EIF4E3: variants seen among roughly 807,000 people sequenced by gnomAD.
The protein encoded by EIF4E3 is eukaryotic translation initiation factor 4E family member 3.
In EIF4E3, 26 loss-of-function variants were observed where a neutral mutation model predicts 31.7. That is an observed-to-expected ratio of 0.82 (90% CI 0.60 to 1.14). The LOEUF is 1.14. Among genes scored for constraint, EIF4E3 ranks in the 50% most tolerant of loss-of-function variants. The probability of loss-of-function intolerance (pLI) is 0.00; values close to 1 mark genes in which losing one functional copy is unlikely to be tolerated. For missense variants in EIF4E3, 304 were observed against 270.9 expected (o/e 1.12, Z -0.86); for synonymous variants, 128 against 107.7 (o/e 1.19, Z -1.17).
rs1358052649 is a variant in EIF4E3 at position 71,680,498 on chromosome 3, G to T, written c.*4184C>A. On this transcript the variant is annotated 3_prime_UTR_variant, in exon 7 of 7. Transcript: ENST00000425534. ...ATGGATTTATGTCAGCAACATGAAAGAATTTCTAGAACACAAGACAGTGAC... is the reference window on the plus strand; with the variant it reads ...ATGGATTTATGTCAGCAACATGAAATAATTTCTAGAACACAAGACAGTGAC... 1 of 152,206 alleles carries T rather than the reference G, an allele frequency of 6.6e-6. No homozygotes were observed. The highest frequency in any genetic ancestry group is 2.4e-5 in the African/African-American group (1 of 41,458). The allele number at this position is 152,206 out of a possible 1,614,324, so 9.4% of individuals were successfully genotyped here. A position where few individuals can be genotyped will look rare whatever the true frequency, so the allele number is the denominator to read the frequency against.
intron 1 of EIF4E3, among the ~76,000 whole-genome samples, chr3:71,713,588 C>T (rs1222393827): frequency 6.6e-6 from 1 of 152,028 alleles, no homozygotes; most frequent in Non-Finnish European, 1.5e-5. Context: ...AGGTGCATGT[C>T]ACCACAGCCA....
upstream of EIF4E3, chr3:71,725,438 CCCCCGCCCCGCCCCGCCCCGCGCG>C (rs1395356231): frequency 3.6e-5 from 29 of 795,820 alleles, no homozygotes; most frequent in Non-Finnish European, 4.1e-5. This position sits in a 1 kb window ranked among gnomAD's most constrained non-coding sequence, Gnocchi z 6.1. Context: ...TCACCCCCGG[CCCCCGCCCCGCCCCGCCCCGCGCG>C]CCCCGCCCCG....
intron 1 of EIF4E3, among the ~76,000 whole-genome samples, chr3:71,741,172 CCATGCA>C (rs1312152232): frequency 1.3e-5 from 2 of 149,306 alleles, no homozygotes; most frequent in African/African-American, 5.0e-5. Flanking sequence ...AAAAACACAT[CCATGCA>C]CATGCACATG....
At chr3:71,735,589 G>A (rs9858400) in intron 1 of EIF4E3, among the ~76,000 whole-genome samples, 14,839 of 152,098 alleles carry the variant, frequency 0.098, 1,149 homozygotes, top group African/African-American at 0.22. Context: ...ACAAAGAAAC[G>A]CAATACTGTG....
chr3:71,686,490 C>G (rs1217528094), intron 6 of EIF4E3, among the ~76,000 whole-genome samples: 1 of 151,086 alleles, frequency 6.6e-6, no homozygotes, highest in African/African-American at 2.4e-5. Context: ...GAAATCTGAA[C>G]TAATTTAATA....
intron 1 of EIF4E3, among the ~76,000 whole-genome samples, chr3:71,749,060 A>G (rs1337956096): frequency 1.3e-5 from 2 of 152,266 alleles, no homozygotes; most frequent in Non-Finnish European, 2.9e-5. Context: ...GTCAGGTAAG[A>G]GCAAATATGC....
chr3:71,692,051 G>A (rs1315123893), intron 5 of EIF4E3, among the ~76,000 whole-genome samples: 1 of 152,128 alleles, frequency 6.6e-6, no homozygotes, highest in Non-Finnish European at 1.5e-5. Context: ...AGTTTGGTTT[G>A]GCTCTTGGTA....
rs11403409 is a variant in EIF4E3 at position 71,712,852 on chromosome 3, C to CAAAAAAAAA, written c.177-2377_177-2369dup. On this transcript the variant is annotated intron_variant, in intron 1 of 6. Transcript: ENST00000425534. ...GAGGATAATACCATTTAACCTAGAC[C>CAAAAAAAAA]AAAAAAAAAAAAAAAAAAAGCACTG... Among the ~76,000 whole-genome samples the CAAAAAAAAA allele has an allele frequency of 2.5e-5, 3 of 121,234 alleles. 1 individual carries two copies. The highest frequency in any genetic ancestry group is 1.7e-5 in the Non-Finnish European group (1 of 59,886). The allele number at this position is 121,234 out of a possible 152,430, so 79.5% of individuals were successfully genotyped here.
intron 6 of EIF4E3, among the ~76,000 whole-genome samples, chr3:71,686,545 T>A (rs1293395058): frequency 5.5e-5 from 6 of 109,978 alleles, no homozygotes; most frequent in South Asian, 3.6e-4. Context: ...TCACATTGAG[T>A]GTGTGTGTGT....
In EIF4E3 at chr3:71,684,384, T is replaced by A. The variant is rs1247657663; in HGVS notation, c.*298A>T. On this transcript the variant is annotated 3_prime_UTR_variant, in exon 7 of 7. Coordinates refer to ENST00000425534, the MANE Select transcript of EIF4E3 (RefSeq NM_001134651.2). ...ACAATAATTAGGCTGAATAAGGAAT[T>A]TTAAACGGCAAAAAAAAAAAAAAAT... The A allele has an allele frequency of 1.0e-5, 3 of 288,364 alleles. No homozygotes were observed. The highest frequency in any genetic ancestry group is 1.9e-5 in the Non-Finnish European group (3 of 159,102). The allele number at this position is 288,364 out of a possible 1,614,324, so 17.9% of individuals were successfully genotyped here. A position where few individuals can be genotyped will look rare whatever the true frequency, so the allele number is the denominator to read the frequency against.
intron 2 of EIF4E3, among the ~76,000 whole-genome samples, chr3:71,709,992 G>A (rs575421481): frequency 1.3e-5 from 2 of 152,226 alleles, no homozygotes; most frequent in African/African-American, 4.8e-5. Flanking sequence ...CTCTCCCCAT[G>A]TGACCTCTAA....
At chr3:71,737,561 C>A (rs2049775936) in intron 1 of EIF4E3, among the ~76,000 whole-genome samples, 1 of 152,010 alleles carries the variant, frequency 6.6e-6, no homozygotes, top group Admixed American at 6.6e-5. Context: ...GAAAATCACA[C>A]CAAGGCAGGG....
intron 1 of EIF4E3, among the ~76,000 whole-genome samples, chr3:71,735,884 C>G (rs947888361): frequency 4.6e-5 from 7 of 152,122 alleles, no homozygotes; most frequent in Non-Finnish European, 8.8e-5. Flanking sequence ...CTTGTCCAAG[C>G]ACTTAAGATA....
rs1447953939 is a variant in EIF4E3, at chr3:71,681,576, G to T, written c.*3106C>A. On this transcript the variant is annotated 3_prime_UTR_variant, in exon 7 of 7. Transcript: ENST00000425534. ...GATCAGATATTTAATGCTTGATTAG[G>T]GTGGCTAGTGGGCAGGTTAAGGCTG... The T allele has an allele frequency of 1.3e-5, 2 of 152,186 alleles. No individual in the cohort carries two copies. Among genetic ancestry groups the T allele is most frequent in the Non-Finnish European group, 2.9e-5 (2 of 68,062 alleles). 9.4% of individuals were successfully genotyped at this position (152,186 alleles called of 1,614,324 possible). A position where few individuals can be genotyped will look rare whatever the true frequency, so the allele number is the denominator to read the frequency against.
chr3:71,725,345 G>A lies in EIF4E3; in HGVS notation c.23C>T (p.Ala8Val). The change falls in exon 1 of 7, where the codon GCG (alanine) becomes GTG (valine). Residue 8 changes from alanine to valine, a missense_variant. Transcript: ENST00000425534. This position sits in a 1 kb window ranked among gnomAD's most constrained non-coding sequence, Gnocchi z 6.1. ...CGGCTCCCGGGCCCCGGCGGGGGGCGCGGCGGCCGGGGGCAGCGCCATTTT... is the reference window on the plus strand; with the variant it reads ...CGGCTCCCGGGCCCCGGCGGGGGGCACGGCGGCCGGGGGCAGCGCCATTTT... MALPPAA[A>V]PPAGAREPPG... 1 of 973,270 alleles carries A rather than the reference G, an allele frequency of 1.0e-6. No homozygotes were observed. Among genetic ancestry groups the A allele is most frequent in the Non-Finnish European group, 1.2e-6 (1 of 821,614 alleles). The allele number at this position is 973,270 out of a possible 1,614,324, so 60.3% of individuals were successfully genotyped here.
intron 5 of EIF4E3, among the ~76,000 whole-genome samples, chr3:71,691,573 G>A (rs566887548): frequency 6.6e-6 from 1 of 152,320 alleles, no homozygotes; most frequent in South Asian, 2.1e-4. Context: ...AGGAAAGAGA[G>A]CAGGGGGGAT....
chr3:71,678,420 A>T lies in EIF4E3; in HGVS notation c.*6262T>A, dbSNP rs536127345. The T allele has an allele frequency of 6.6e-6, 1 of 152,314 alleles. No homozygotes were observed. Among genetic ancestry groups the T allele is most frequent in the African/African-American group, 2.4e-5 (1 of 41,572 alleles). The allele number at this position is 152,314 out of a possible 1,614,324, so 9.4% of individuals were successfully genotyped here. ...AAATTAGAAAATTGCAAAACAGTCT[A>T]AACATTTGCACTAAACACATAAATC... On this transcript the variant is annotated 3_prime_UTR_variant, in exon 7 of 7. Transcript: ENST00000425534.
intron 1 of EIF4E3, among the ~76,000 whole-genome samples, chr3:71,717,828 T>C (rs1362572518): frequency 6.6e-6 from 1 of 152,230 alleles, no homozygotes; most frequent in Non-Finnish European, 1.5e-5. Flanking sequence ...ACTTCAATAA[T>C]GTGAGAATTT....
chr3:71,746,258 T>C (rs2049871616), intron 1 of EIF4E3, among the ~76,000 whole-genome samples: 2 of 152,188 alleles, frequency 1.3e-5, no homozygotes, highest in South Asian at 4.1e-4. Flanking sequence ...CAAACTGGGG[T>C]AGGAGATTTT....
Sources: allele counts gnomAD v4.1 joint callset (sites outside exome capture counted in the v4.1 genomes callset), GRCh38; gene constraint gnomAD v4.1.1; non-coding constraint Gnocchi (gnomAD v3.1); transcripts MANE v1.5; gene names NCBI Gene and HGNC (gene_info 2026-07-23, HGNC 2026-07-21).